The following KCNAB1 variants were observed in gnomAD, a reference collection of about 807,000 sequenced individuals.
KCNAB1 encodes the protein voltage-gated potassium channel subunit beta-1.
In KCNAB1, 35 loss-of-function variants were observed where a neutral mutation model predicts 64.6. That is an observed-to-expected ratio of 0.54 (90% CI 0.41 to 0.72). The LOEUF is 0.72. Among genes scored for constraint, KCNAB1 ranks in the 30% least tolerant of loss-of-function variants. The pLI, the probability that KCNAB1 is intolerant of heterozygous loss-of-function variation, is 0.00. For missense variants in KCNAB1, 401 were observed against 512.9 expected (o/e 0.78, Z 2.11); for synonymous variants, 177 against 183.8 (o/e 0.96, Z 0.30).
At chr3:156,430,606 G>A (rs1716137637) in intron 2 of KCNAB1, among the ~76,000 whole-genome samples, 1 of 152,164 alleles carries the variant, frequency 6.6e-6, no homozygotes, top group Non-Finnish European at 1.5e-5. Flanking sequence ...AACAGGGTCA[G>A]GGAGAGGCGA....
chr3:156,303,037 C>CTGCT (rs1179666057), intron 1 of KCNAB1, among the ~76,000 whole-genome samples: 5 of 152,186 alleles, frequency 3.3e-5, no homozygotes, highest in Non-Finnish European at 7.3e-5. Flanking sequence ...GCTTTGTTCA[C>CTGCT]ATTGTCATAG....
intron 1 of KCNAB1, among the ~76,000 whole-genome samples, chr3:156,362,116 T>G (rs1725653709): frequency 6.6e-6 from 1 of 152,230 alleles, no homozygotes; most frequent in African/African-American, 2.4e-5. Flanking sequence ...TCCATCTATA[T>G]CTATATATCA....
At chr3:156,120,392 G>A (rs1425368784), upstream of KCNAB1, among the ~76,000 whole-genome samples, 1 of 152,156 alleles carries the variant, frequency 6.6e-6, no homozygotes, top group African/African-American at 2.4e-5. Flanking sequence ...TTCCGTGTTC[G>A]AAGATACCAC....
At chr3:156,422,018 C>A (rs2108227264) in intron 2 of KCNAB1, among the ~76,000 whole-genome samples, 1 of 152,296 alleles carries the variant, frequency 6.6e-6, no homozygotes, top group African/African-American at 2.4e-5. Flanking sequence ...TTTTTTCTAT[C>A]TATCCTTGTT....
intron 1 of KCNAB1, among the ~76,000 whole-genome samples, chr3:156,421,208 G>T (rs893559637): frequency 6.6e-6 from 1 of 152,168 alleles, no homozygotes; most frequent in African/African-American, 2.4e-5. Context: ...CCTAAGTCTA[G>T]ACCAGGATGG....
chr3:156,324,604 C>T (rs766686625), intron 1 of KCNAB1, among the ~76,000 whole-genome samples: 6 of 152,142 alleles, frequency 3.9e-5, no homozygotes, highest in Non-Finnish European at 7.4e-5. Context: ...TTCTCAAGTT[C>T]GGAACTGATA....
intron 1 of KCNAB1, among the ~76,000 whole-genome samples, chr3:156,274,660 A>G (rs1279220997): frequency 6.6e-6 from 1 of 152,180 alleles, no homozygotes; most frequent in Non-Finnish European, 1.5e-5. Context: ...AAACTCTACC[A>G]TTAAGTAGTT....
intron 1 of KCNAB1, among the ~76,000 whole-genome samples, chr3:156,319,189 C>T (rs562115330): frequency 1.1e-4 from 16 of 152,232 alleles, no homozygotes; most frequent in African/African-American, 3.6e-4. Context: ...TACAGTCAGC[C>T]TGGCAGTGAA....
At chr3:156,382,368 G>C (rs1171050694) in intron 1 of KCNAB1, among the ~76,000 whole-genome samples, 1 of 152,118 alleles carries the variant, frequency 6.6e-6, no homozygotes, top group Non-Finnish European at 1.5e-5. Context: ...TGTAATCCCA[G>C]CTACTCAGGA....
intron 1 of KCNAB1, among the ~76,000 whole-genome samples, chr3:156,136,785 C>T (rs1371762477): frequency 3.9e-5 from 6 of 152,200 alleles, no homozygotes; most frequent in Non-Finnish European, 8.8e-5. Flanking sequence ...ACTAAGGCCA[C>T]ATTTTGGCAT....
At chr3:156,342,585 CTTT>C (rs60982892) in intron 1 of KCNAB1, among the ~76,000 whole-genome samples, 3,599 of 86,300 alleles carry the variant, frequency 0.042, 123 homozygotes, top group South Asian at 0.11. Flanking sequence ...CTATGTGTTT[CTTT>C]TTTTTTTTTT....
At chr3:156,278,228 A>G (rs1011011204) in intron 1 of KCNAB1, among the ~76,000 whole-genome samples, 4 of 152,210 alleles carry the variant, frequency 2.6e-5, no homozygotes, top group African/African-American at 9.6e-5. Flanking sequence ...AACAAATTTG[A>G]ACAGAAACAA....
intron 1 of KCNAB1, among the ~76,000 whole-genome samples, chr3:156,237,629 C>T (rs1371433557): frequency 6.6e-6 from 1 of 152,170 alleles, no homozygotes. Context: ...TCTTCCACCT[C>T]AGGGCCTTTG....
At chr3:156,406,374 C>T (rs565851249) in intron 1 of KCNAB1, among the ~76,000 whole-genome samples, 8 of 152,168 alleles carry the variant, frequency 5.3e-5, no homozygotes, top group African/African-American at 1.7e-4. Context: ...TCAAGAAGCA[C>T]GCAAGCTTGT....
intron 1 of KCNAB1, among the ~76,000 whole-genome samples, chr3:156,160,063 C>G (rs1363348501): frequency 6.6e-6 from 1 of 152,180 alleles, no homozygotes; most frequent in East Asian, 1.9e-4. Context: ...TCTTGATAGT[C>G]AGGGATGACT....
chr3:156,336,232 G>C (rs1199991026), intron 1 of KCNAB1, among the ~76,000 whole-genome samples: 1 of 151,118 alleles, frequency 6.6e-6, no homozygotes, highest in Admixed American at 6.7e-5. Flanking sequence ...TGTGGTGGCA[G>C]GTGGCTGTAA....
At chr3:156,166,523 A>G (rs1485057014) in intron 1 of KCNAB1, among the ~76,000 whole-genome samples, 6 of 143,142 alleles carry the variant, frequency 4.2e-5, no homozygotes, top group Admixed American at 1.4e-4. Flanking sequence ...TTTAAAAAAT[A>G]CATATATACA....
intron 1 of KCNAB1, among the ~76,000 whole-genome samples, chr3:156,308,747 A>C (rs752201242): frequency 4.6e-5 from 7 of 152,224 alleles, no homozygotes; most frequent in African/African-American, 9.7e-5. Context: ...AAGGCTTTGC[A>C]CAGCACTGAC....
intron 8 of KCNAB1, among the ~76,000 whole-genome samples, chr3:156,481,765 A>T (rs1218597306): frequency 6.6e-6 from 1 of 152,154 alleles, no homozygotes; most frequent in Non-Finnish European, 1.5e-5. Flanking sequence ...TTTGCTACCT[A>T]TCAGACTGTA....
Sources: allele counts gnomAD v4.1 joint callset (sites outside exome capture counted in the v4.1 genomes callset), GRCh38; gene constraint gnomAD v4.1.1; transcripts MANE v1.5; gene names NCBI Gene and HGNC (gene_info 2026-07-23, HGNC 2026-07-21).